The following AFF3 variants were observed in gnomAD, a reference collection of about 807,000 sequenced individuals.
AFF3 encodes the protein ALF transcription elongation factor 3, also known as AF4/FMR2 family member 3.
A neutral mutation model predicts 129.7 loss-of-function variants in AFF3; 32 were observed. The observed-to-expected ratio is 0.25, with a 90% confidence interval of 0.19 to 0.33. The LOEUF is 0.33. AFF3 is among the 10% of genes least tolerant of loss of function. The pLI is 1.00. For synonymous variants in AFF3, 644 were observed against 635.4 expected (o/e 1.01, Z -0.20); for missense variants, 1,373 against 1,592.0 (o/e 0.86, Z 2.34).
chr2:99,661,164 C>A lies in AFF3; in HGVS notation c.1143+11374G>T, dbSNP rs141512659. Reference sequence around the variant, plus strand: ...TACTGAAGAAAAAAACCATTGAAGTCATGGGACAAAGGGCTATTCCTCTGA... The same window carrying A: ...TACTGAAGAAAAAAACCATTGAAGTAATGGGACAAAGGGCTATTCCTCTGA... On this transcript the variant is annotated intron_variant, in intron 12 of 24. Coordinates refer to ENST00000672756, the MANE Select transcript of AFF3 (RefSeq NM_001386135.1). 4.5e-3 allele frequency among the ~76,000 whole-genome samples: 690 copies of A among 152,272 alleles called. 3 individuals carry two copies. Among genetic ancestry groups the A allele is most frequent in the African/African-American group, 0.016 (650 of 41,546 alleles).
chr2:99,848,448 G>T (rs1157931933), intron 7 of AFF3, among the ~76,000 whole-genome samples: 1 of 152,074 alleles, frequency 6.6e-6, no homozygotes, highest in East Asian at 1.9e-4. Context: ...ATGTGCTTAG[G>T]CCACTTTTTG....
intron 18 of AFF3, 150 bp from the exon 19 acceptor site, chr2:99,569,065 C>T: frequency 1.5e-6 from 1 of 687,702 alleles, no homozygotes; most frequent in Non-Finnish European, 2.5e-6. Flanking sequence ...CAAACTACTG[C>T]CTGTATGTCA....
At chr2:99,750,847 A>C (rs1255516710) in intron 9 of AFF3, among the ~76,000 whole-genome samples, 2 of 152,226 alleles carry the variant, frequency 1.3e-5, no homozygotes, top group African/African-American at 4.8e-5. Context: ...TAATAATAAC[A>C]AGCCATACAT....
chr2:99,557,280 T>G (rs981829949), intron 22 of AFF3, among the ~76,000 whole-genome samples: 1 of 123,392 alleles, frequency 8.1e-6, no homozygotes, highest in Non-Finnish European at 1.6e-5. Context: ...TGTGTTTTCC[T>G]TTTTTTTTTT....
At chr2:99,975,395 A>G (rs548362674) in intron 7 of AFF3, among the ~76,000 whole-genome samples, 29 of 152,368 alleles carry the variant, frequency 1.9e-4, no homozygotes, top group African/African-American at 6.5e-4. Context: ...ATACCTGCTT[A>G]TGAAATACTA....
intron 17 of AFF3, among the ~76,000 whole-genome samples, chr2:99,579,536 A>G (rs1420340109): frequency 6.6e-6 from 1 of 151,948 alleles, no homozygotes; most frequent in Non-Finnish European, 1.5e-5. Flanking sequence ...CCTGGCCAAC[A>G]TGGCAAAACC....
At chr2:99,657,001 C>T (rs938772434) in intron 12 of AFF3, among the ~76,000 whole-genome samples, 12 of 152,054 alleles carry the variant, frequency 7.9e-5, no homozygotes, top group African/African-American at 2.2e-4. Context: ...AGAGACAAAA[C>T]GAGAAAACCT....
intron 12 of AFF3, among the ~76,000 whole-genome samples, chr2:99,668,605 CA>C (rs1164634695): frequency 6.6e-6 from 1 of 152,022 alleles, no homozygotes; most frequent in Non-Finnish European, 1.5e-5. Context: ...CTCTGTCACC[CA>C]GGCTGGAGTG....
chr2:100,085,625 A>C (rs1007391968), intron 4 of AFF3, among the ~76,000 whole-genome samples: 2 of 149,704 alleles, frequency 1.3e-5, no homozygotes, highest in African/African-American at 4.9e-5. Context: ...GCTAAATTTG[A>C]TAAGCCCTGG....
rs1176218853 is a variant in AFF3 at position 99,721,539 on chromosome 2, G to GA, written c.1091+5537dup. ...TGAGACTCTGTCTCAAAAAAAAAAA[G>GA]AAAAAAAAAAAGAATTCTGGCTTGA... On this transcript the variant is annotated intron_variant, in intron 11 of 24. Transcript: ENST00000672756. 1.3e-3 allele frequency among the ~76,000 whole-genome samples: 156 copies of GA among 123,812 alleles called. 1 individual carries two copies. The highest frequency in any genetic ancestry group is 5.4e-3 in the East Asian group (22 of 4,084). The allele number at this position is 123,812 out of a possible 152,430, so 81.2% of individuals were successfully genotyped here.
intron 4 of AFF3, among the ~76,000 whole-genome samples, chr2:100,045,826 G>A (rs561143701): frequency 6.6e-6 from 1 of 152,174 alleles, no homozygotes; most frequent in Non-Finnish European, 1.5e-5. Context: ...CTAGCTTATT[G>A]TAAGAATAAT....
At chr2:99,781,104 T>C (rs1684371425) in intron 8 of AFF3, among the ~76,000 whole-genome samples, 1 of 152,194 alleles carries the variant, frequency 6.6e-6, no homozygotes, top group African/African-American at 2.4e-5. Context: ...TCTACTTTAG[T>C]TACAATGATT....
chr2:99,775,999 G>A lies in AFF3; in HGVS notation c.922-23698C>T, dbSNP rs138752966. On this transcript the variant is annotated intron_variant, in intron 8 of 24. Transcript: ENST00000672756. ...CAAATATAAACTTTAAAATAAACCC[G>A]ATGCTTTAAAAATACCAAGCTTCTA... Among the ~76,000 whole-genome samples, 39 of 152,190 alleles carry A rather than the reference G, an allele frequency of 2.6e-4. 1 individual carries two copies. Among genetic ancestry groups the A allele is most frequent in the South Asian group, 1.7e-3 (8 of 4,816 alleles).
rs994083283 is a variant in AFF3 at position 99,550,350 on chromosome 2, A to G, written c.*1124T>C. ...AAGCCTGAAAAATCGCCCCCAAATC[A>G]AAACGCATCAAAGGGCTGCAGGTGC... On this transcript the variant is annotated 3_prime_UTR_variant, in exon 25 of 25. Transcript: ENST00000672756. 1.7e-5 allele frequency: 4 copies of G among 230,388 alleles called. No individual in the cohort carries two copies. In the East Asian group the frequency reaches 2.5e-4, roughly 14 times the overall value. 14.3% of individuals were successfully genotyped at this position (230,388 alleles called of 1,614,324 possible).
chr2:100,027,470 T>A (rs1459430551), intron 4 of AFF3, among the ~76,000 whole-genome samples: 1 of 152,202 alleles, frequency 6.6e-6, no homozygotes, highest in Middle Eastern at 3.2e-3. Flanking sequence ...TAGAACTTTT[T>A]AATTTATAGA....
intron 7 of AFF3, among the ~76,000 whole-genome samples, chr2:99,954,931 TAAAGAAAAAA>T (rs1181649896): frequency 7.8e-6 from 1 of 128,204 alleles, no homozygotes; most frequent in Admixed American, 7.6e-5. Flanking sequence ...TAAAATAAAA[TAAAGAAAAAA>T]AAAGAAAATA....
intron 7 of AFF3, among the ~76,000 whole-genome samples, chr2:99,996,393 CTTT>C (rs1303124542): frequency 6.6e-6 from 1 of 152,074 alleles, no homozygotes; most frequent in Admixed American, 6.5e-5. Flanking sequence ...TTTTTTTCTT[CTTT>C]ATGTTTTTGT....
At chr2:99,948,745 A>G (rs1475765848) in intron 7 of AFF3, among the ~76,000 whole-genome samples, 2 of 152,172 alleles carry the variant, frequency 1.3e-5, no homozygotes, top group Non-Finnish European at 2.9e-5. Context: ...GTCCATGTAG[A>G]ATTAAAACCA....
chr2:99,675,333 C>T (rs60486717), intron 11 of AFF3, among the ~76,000 whole-genome samples: 34,686 of 152,032 alleles, frequency 0.23, 4,769 homozygotes, highest in Middle Eastern at 0.32. Context: ...ATACAACATT[C>T]CCGGAGCAAT....
Sources: gnomAD v4.1 joint callset for allele counts (sites outside exome capture counted in the v4.1 genomes callset) on GRCh38, gnomAD v4.1.1 for gene constraint, MANE v1.5 for transcripts, NCBI Gene and HGNC (gene_info 2026-07-23, HGNC 2026-07-21) for gene names.